Variants in ACYP2 observed in about 807,000 individuals in gnomAD.
ACYP2 encodes acylphosphatase 2.
ACYP2 carries 12 observed loss-of-function variants against 11.2 expected under a neutral mutation model. The ratio of observed to expected loss-of-function variants is 1.08; its 90% CI spans 0.69 to 1.74. The LOEUF (loss-of-function observed/expected upper bound fraction) is 1.74, where lower values mean the gene tolerates loss of function less well. Ranked by LOEUF, ACYP2 falls within the 40% of genes most tolerant of loss-of-function variation. The pLI, the probability that ACYP2 is intolerant of heterozygous loss-of-function variation, is 0.00. For synonymous variants in ACYP2, 43 were observed against 32.2 expected (o/e 1.33, Z -1.13); for missense variants, 134 against 101.9 (o/e 1.31, Z -1.35).
chr2:54,265,945 C>T (rs955723271), intron 6 of ACYP2, among the ~76,000 whole-genome samples: 1 of 151,996 alleles, frequency 6.6e-6, no homozygotes, highest in Non-Finnish European at 1.5e-5. Context: ...TAGAGAATAC[C>T]CCTTCTTTTC....
At chr2:54,130,726 T>C (rs1015719797) in intron 4 of ACYP2, among the ~76,000 whole-genome samples, 29 of 152,218 alleles carry the variant, frequency 1.9e-4, no homozygotes, top group African/African-American at 7.0e-4. Context: ...AGAAATAATT[T>C]AGAAAATGAG....
At chr2:54,302,702 T>A (rs1044341204) in intron 6 of ACYP2, among the ~76,000 whole-genome samples, 25 of 152,146 alleles carry the variant, frequency 1.6e-4, no homozygotes, top group African/African-American at 5.3e-4. Flanking sequence ...AAACTGAGCC[T>A]CTGATCTTCC....
intron 2 of ACYP2, among the ~76,000 whole-genome samples, chr2:54,031,695 C>G (rs1030332784): frequency 6.6e-6 from 1 of 152,162 alleles, no homozygotes; most frequent in South Asian, 2.1e-4. Context: ...CCTGAGGAAT[C>G]GCCACACTGT....
chr2:54,131,911 T>C (rs1239376024), intron 4 of ACYP2, among the ~76,000 whole-genome samples: 1 of 152,198 alleles, frequency 6.6e-6, no homozygotes, highest in African/African-American at 2.4e-5. Context: ...GGCCCAAGAA[T>C]TTTATTTTCT....
intron 6 of ACYP2, among the ~76,000 whole-genome samples, chr2:54,153,720 C>T (rs1240172964): frequency 1.3e-5 from 2 of 151,716 alleles, no homozygotes; most frequent in Non-Finnish European, 2.9e-5. Context: ...CTGCCTCAGC[C>T]TCTCGAGTGC....
chr2:54,274,703 G>A (rs183935881), intron 6 of ACYP2, among the ~76,000 whole-genome samples: 110 of 141,790 alleles, frequency 7.8e-4, no homozygotes, highest in African/African-American at 2.7e-3. Flanking sequence ...ATTTTTTATT[G>A]CAAATCACTT....
At chr2:54,152,933 T>A (rs1682248605) in intron 6 of ACYP2, among the ~76,000 whole-genome samples, 1 of 152,162 alleles carries the variant, frequency 6.6e-6, no homozygotes, top group Non-Finnish European at 1.5e-5. Flanking sequence ...AAGTAGCTGG[T>A]ATTACAGGCT....
intron 4 of ACYP2, among the ~76,000 whole-genome samples, chr2:54,088,863 T>A (rs1678080959): frequency 6.6e-6 from 1 of 152,220 alleles, no homozygotes; most frequent in African/African-American, 2.4e-5. Context: ...AGTTGTGTTT[T>A]GACCACACAC....
At chr2:54,060,761 C>T (rs1329652028) in intron 4 of ACYP2, among the ~76,000 whole-genome samples, 1 of 152,146 alleles carries the variant, frequency 6.6e-6, no homozygotes, top group East Asian at 1.9e-4. Context: ...AAGTCCTCAG[C>T]CTTTTTGAAT....
chr2:54,045,489 C>A (rs952704138), intron 2 of ACYP2, among the ~76,000 whole-genome samples: 25 of 152,136 alleles, frequency 1.6e-4, no homozygotes, highest in South Asian at 2.1e-4. Flanking sequence ...AGGGACCAAC[C>A]AAAGAGAAGG....
intron 3 of ACYP2, among the ~76,000 whole-genome samples, chr2:54,056,058 G>A (rs1162609537): frequency 6.6e-6 from 1 of 152,146 alleles, no homozygotes; most frequent in Non-Finnish European, 1.5e-5. Flanking sequence ...ATTTCAAAAT[G>A]CTGCTTTTTC....
At chr2:54,106,126 A>T (rs1187175663) in intron 4 of ACYP2, among the ~76,000 whole-genome samples, 1 of 152,250 alleles carries the variant, frequency 6.6e-6, no homozygotes, top group Non-Finnish European at 1.5e-5. Flanking sequence ...TCATGGACTC[A>T]AAAGGAAATC....
chr2:54,129,102 A>G (rs1368737007), intron 4 of ACYP2, among the ~76,000 whole-genome samples: 1 of 152,198 alleles, frequency 6.6e-6, no homozygotes, highest in Non-Finnish European at 1.5e-5. Context: ...AATAAAGACA[A>G]TAACAAGGTA....
intron 6 of ACYP2, among the ~76,000 whole-genome samples, chr2:54,289,573 G>T (rs1005486835): frequency 1.3e-5 from 2 of 151,620 alleles, no homozygotes. Flanking sequence ...AAAGGAAAAC[G>T]TTTTTTATGA....
intron 6 of ACYP2, among the ~76,000 whole-genome samples, chr2:54,266,596 T>TTTTTTTTA: frequency 2.1e-5 from 1 of 47,484 alleles, no homozygotes; most frequent in Non-Finnish European, 4.1e-5. Context: ...CTATCTTTTT[T>TTTTTTTTA]TTTTTTTTTT....
chr2:54,123,194 G>A (rs1051608523), intron 4 of ACYP2: 9 of 395,076 alleles, frequency 2.3e-5, no homozygotes, highest in South Asian at 1.4e-4. Flanking sequence ...CTAATGATAC[G>A]CCTCCTCACA....
chr2:54,082,716 G>A (rs1200850550), intron 4 of ACYP2: 1 of 152,074 alleles, frequency 6.6e-6, no homozygotes, highest in East Asian at 1.9e-4. Context: ...ACAAACCTAC[G>A]GTATTTGAGT....
At chr2:54,252,365 T>C (rs774859707) in intron 6 of ACYP2, among the ~76,000 whole-genome samples, 4 of 152,192 alleles carry the variant, frequency 2.6e-5, no homozygotes, top group African/African-American at 4.8e-5. Context: ...TTGTTAGAAA[T>C]ACTTTATGCA....
chr2:54,057,960 T>A (rs1348804738), intron 4 of ACYP2, among the ~76,000 whole-genome samples: 1 of 152,198 alleles, frequency 6.6e-6, no homozygotes, highest in Non-Finnish European at 1.5e-5. Context: ...AAAACAAATA[T>A]TTTAAATTCA....
Sources: allele counts gnomAD v4.1 joint callset (sites outside exome capture counted in the v4.1 genomes callset), GRCh38; gene constraint gnomAD v4.1.1; transcripts MANE v1.5; gene names NCBI Gene and HGNC (gene_info 2026-07-23, HGNC 2026-07-21).